SH2B3: variants seen among roughly 807,000 people sequenced by gnomAD.
SH2B3 encodes the protein SH2B adapter protein 3.
A neutral mutation model predicts 51.9 loss-of-function variants in SH2B3; 43 were observed. The observed-to-expected ratio is 0.83, with a 90% CI of 0.65 to 1.07. The LOEUF is 1.07. Among genes scored for constraint, SH2B3 ranks in the 50% least tolerant of loss-of-function variants. The pLI is 0.00. For missense variants in SH2B3, 952 were observed against 834.3 expected (o/e 1.14, Z -1.74); for synonymous variants, 396 against 376.0 (o/e 1.05, Z -0.62).
chr12:111,419,794 C>T (rs550247770), intron 2 of SH2B3, among the ~76,000 whole-genome samples: 6 of 152,348 alleles, frequency 3.9e-5, no homozygotes, highest in Non-Finnish European at 7.3e-5. Flanking sequence ...ATTAGCTAAA[C>T]GCCACTGTTC....
At chr12:111,430,856 AG>A (rs1277578807) in intron 2 of SH2B3, among the ~76,000 whole-genome samples, 2 of 152,166 alleles carry the variant, frequency 1.3e-5, no homozygotes, top group East Asian at 3.9e-4. Flanking sequence ...CAGATCCCAC[AG>A]GTGGGTCCCC....
At position 111,437,748 on chromosome 12, in the gene SH2B3, C is replaced by A. The variant is rs190711309; in HGVS notation, c.733-9005C>A. On this transcript the variant is annotated intron_variant, in intron 2 of 7. Coordinates refer to ENST00000341259, the MANE Select transcript of SH2B3 (RefSeq NM_005475.3). ...TGGCTCATTGCCTTCAGTTTGCCCC[C>A]CAAGGAGCTTGGGAAAAGGGGGCTG... Among the ~76,000 whole-genome samples the A allele has an allele frequency of 2.5e-3, 375 of 152,302 alleles. 2 individuals are homozygous for A. The highest frequency in any genetic ancestry group is 8.4e-3 in the African/African-American group (351 of 41,554).
intron 2 of SH2B3, among the ~76,000 whole-genome samples, chr12:111,425,722 AC>A (rs1445063427): frequency 6.6e-6 from 1 of 151,890 alleles, no homozygotes. Context: ...GGTGCAAGGG[AC>A]CCTCCAGGCT....
At chr12:111,430,814 C>T (rs967406317) in intron 2 of SH2B3, among the ~76,000 whole-genome samples, 4 of 152,092 alleles carry the variant, frequency 2.6e-5, no homozygotes, top group Non-Finnish European at 5.9e-5. Flanking sequence ...GTGTTCCTAC[C>T]CTGAAGGGCA....
intron 2 of SH2B3, among the ~76,000 whole-genome samples, chr12:111,428,633 C>A (rs1239773313): frequency 2.0e-5 from 3 of 152,156 alleles, no homozygotes; most frequent in Non-Finnish European, 4.4e-5. Context: ...GCACAAAGTC[C>A]CCCCAAGAGA....
In SH2B3 at chr12:111,449,038, A is replaced by T. The variant is rs1266370885; in HGVS notation, c.*736A>T. On this transcript the variant is annotated 3_prime_UTR_variant, in exon 8 of 8. Coordinates refer to ENST00000341259, the MANE Select transcript of SH2B3 (RefSeq NM_005475.3). Reference sequence around the variant, plus strand: ...GCCAGCATGCTGGCTTGTCTACTGCATCCTCGGGACAGTCACCTGCCACTG... The same window carrying T: ...GCCAGCATGCTGGCTTGTCTACTGCTTCCTCGGGACAGTCACCTGCCACTG... The T allele has an allele frequency of 6.5e-6, 1 of 152,694 alleles. No individual in the cohort carries two copies. Among genetic ancestry groups the T allele is most frequent in the Non-Finnish European group, 1.5e-5 (1 of 68,056 alleles). The allele number at this position is 152,694 out of a possible 1,614,324, so 9.5% of individuals were successfully genotyped here.
chr12:111,408,276 A>C (rs1870400723), intron 1 of SH2B3, among the ~76,000 whole-genome samples: 1 of 152,132 alleles, frequency 6.6e-6, no homozygotes, highest in Admixed American at 6.6e-5. Context: ...AGTCATGGGA[A>C]CCATGAATGA....
intron 2 of SH2B3, among the ~76,000 whole-genome samples, chr12:111,439,138 AATTTTTGT>A (rs1389430500): frequency 1.3e-5 from 2 of 151,330 alleles, no homozygotes; most frequent in African/African-American, 4.9e-5. Context: ...ATGCCCGACT[AATTTTTGT>A]ATTTTTGTAT....
In SH2B3 at chr12:111,448,171, G is replaced by A. The variant is rs776655476; in HGVS notation, c.1597G>A (p.Glu533Lys). Residue 533 changes from glutamate to lysine, a missense_variant, in exon 8 of 8, where the codon GAA (glutamate) becomes AAA (lysine). Glu to Lys is a moderately conservative substitution (Grantham distance 56). Coordinates refer to ENST00000341259, the MANE Select transcript of SH2B3 (RefSeq NM_005475.3). ...EQIFHLVPSP[E>K]ELANSLQHLE... Reference sequence around the variant, plus strand: ...GATCTTCCACCTGGTGCCTTCGCCCGAAGAACTGGCCAACAGCCTGCAGCA... The same window carrying A: ...GATCTTCCACCTGGTGCCTTCGCCCAAAGAACTGGCCAACAGCCTGCAGCA... 6.2e-6 allele frequency: 10 copies of A among 1,613,994 alleles called. No individual in the cohort carries two copies. The highest frequency in any genetic ancestry group is 2.2e-5 in the East Asian group (1 of 44,888).
chr12:111,410,705 G>C lies in SH2B3; in HGVS notation c.-28+4428G>C, dbSNP rs905974468. Among the ~76,000 whole-genome samples the C allele has an allele frequency of 6.6e-6, 1 of 152,180 alleles. No homozygotes were observed. The highest frequency in any genetic ancestry group is 1.5e-5 in the Non-Finnish European group (1 of 68,026). On this transcript the variant is annotated intron_variant, in intron 1 of 7. Coordinates refer to ENST00000341259, the MANE Select transcript of SH2B3 (RefSeq NM_005475.3). The surrounding 1 kb of genome is among the most constrained non-coding windows in gnomAD (Gnocchi z 4.9). ...TGTCCAGCCAGCTGCCCCGTGGCCT[G>C]GGGTAGAACCCACCTCTCTGCCTCC...
chr12:111,446,411 G>A (rs1352864232), intron 2 of SH2B3, among the ~76,000 whole-genome samples: 1 of 152,244 alleles, frequency 6.6e-6, no homozygotes, highest in Non-Finnish European at 1.5e-5. Flanking sequence ...ACCGTCAGCA[G>A]CTGCTATCAC....
intron 2 of SH2B3, among the ~76,000 whole-genome samples, chr12:111,446,541 A>C (rs1435476651): frequency 6.6e-6 from 1 of 152,202 alleles, no homozygotes; most frequent in Non-Finnish European, 1.5e-5. Context: ...GCCTTCTGCC[A>C]GCACATGCTT....
chr12:111,423,305 A>G (rs1871708186), intron 2 of SH2B3, among the ~76,000 whole-genome samples: 1 of 152,334 alleles, frequency 6.6e-6, no homozygotes, highest in South Asian at 2.1e-4. Context: ...CTGTGACACC[A>G]TGAAAGACAA....
In SH2B3 at chr12:111,447,563, T is replaced by TG; in HGVS notation, c.1236+23dup. ...AGCCAAGGTATGGGGTGGGGTGGGG[T>TG]GGGGTGGGGCAGGCAGGACCGTGCC... On this transcript the variant is annotated intron_variant, in intron 6 of 7. Transcript: ENST00000341259. 5 of 183,962 alleles carry TG rather than the reference T, an allele frequency of 2.7e-5. No homozygotes were observed. Among genetic ancestry groups the TG allele is most frequent in the South Asian group, 7.8e-5 (2 of 25,750 alleles). 11.4% of individuals were successfully genotyped at this position (183,962 alleles called of 1,614,324 possible).
Position 111,418,017 on chromosome 12 carries a change from G to A in SH2B3, c.-27-102G>A. Reference sequence around the variant, plus strand: ...ATCTTCACCAGCACTGGGTGTTATGGTCGCGTTGGATTTCTGCTGTGGTGC... The same window carrying A: ...ATCTTCACCAGCACTGGGTGTTATGATCGCGTTGGATTTCTGCTGTGGTGC... On this transcript the variant is annotated intron_variant, in intron 1 of 7. Transcript: ENST00000341259. This position sits in a 1 kb window ranked among gnomAD's most constrained non-coding sequence, Gnocchi z 6.7. The A allele has an allele frequency of 1.2e-6, 1 of 845,450 alleles. No individual in the cohort carries two copies. Among genetic ancestry groups the A allele is most frequent in the Non-Finnish European group, 1.8e-6 (1 of 571,344 alleles). The allele number at this position is 845,450 out of a possible 1,614,324, so 52.4% of individuals were successfully genotyped here. A position where few individuals can be genotyped will look rare whatever the true frequency, so the allele number is the denominator to read the frequency against.
chr12:111,442,403 G>C (rs925440220), intron 2 of SH2B3, among the ~76,000 whole-genome samples: 4 of 152,234 alleles, frequency 2.6e-5, no homozygotes, highest in Non-Finnish European at 5.9e-5. Flanking sequence ...GCCTCCTTGA[G>C]GGCATAGGTG....
At position 111,447,415 on chromosome 12, in the gene SH2B3, CTCCAGAGTGAA is replaced by C. The variant is rs1874105940; in HGVS notation, c.1108_1118del (p.Arg371SerfsTer10). The C allele has an allele frequency of 6.2e-7, 1 of 1,613,922 alleles. No homozygotes were observed. Among genetic ancestry groups the C allele is most frequent in the Non-Finnish European group, 8.5e-7 (1 of 1,179,952 alleles). ...GCTACCCCTGGTTCCACGGCCCCAT[CTCCAGAGTGAA>C]AGCAGCTCAGCTGGTTCAGCTGCAG... On this transcript the variant is annotated frameshift_variant, in exon 6 of 8. Transcript: ENST00000341259. LOFTEE classifies it high-confidence loss of function.
At chr12:111,421,026 C>T (rs1250370109) in intron 2 of SH2B3, among the ~76,000 whole-genome samples, 1 of 152,206 alleles carries the variant, frequency 6.6e-6, no homozygotes, top group Non-Finnish European at 1.5e-5. Context: ...TCCTTCATGC[C>T]TCCCCCAGGC....
intron 2 of SH2B3, among the ~76,000 whole-genome samples, chr12:111,424,798 A>G (rs1000218363): frequency 2.0e-5 from 3 of 152,176 alleles, no homozygotes; most frequent in Non-Finnish European, 4.4e-5. Context: ...CAGGTAGTCA[A>G]CTGTGATCCC....
Sources: allele counts gnomAD v4.1 joint callset (sites outside exome capture counted in the v4.1 genomes callset), GRCh38; gene constraint gnomAD v4.1.1; non-coding constraint Gnocchi (gnomAD v3.1); transcripts MANE v1.5; gene names NCBI Gene and HGNC (gene_info 2026-07-23, HGNC 2026-07-21).